The following SERGEF variants were observed in gnomAD, a reference collection of about 807,000 sequenced individuals.
SERGEF encodes the protein secretion regulating guanine nucleotide exchange factor, also known as secretion-regulating guanine nucleotide exchange factor.
Under a neutral mutation model 50.0 loss-of-function variants are expected in SERGEF, and 51 were observed. The observed-to-expected ratio is 1.02, with a 90% CI of 0.81 to 1.29. The LOEUF (loss-of-function observed/expected upper bound fraction) is 1.29. Among genes scored for constraint, SERGEF ranks in the 50% most tolerant of loss-of-function variants. The pLI is 0.00. For synonymous variants in SERGEF, 205 were observed against 212.4 expected (o/e 0.97, Z 0.30); for missense variants, 521 against 557.0 (o/e 0.94, Z 0.65).
intron 9 of SERGEF, among the ~76,000 whole-genome samples, chr11:17,958,693 C>T (rs1210696801): frequency 6.6e-6 from 1 of 152,208 alleles, no homozygotes; most frequent in Non-Finnish European, 1.5e-5. Context: ...TCCAGCCAAA[C>T]TGAACCACCA....
At chr11:18,002,988 T>C (rs910852532) in intron 4 of SERGEF, among the ~76,000 whole-genome samples, 6 of 152,200 alleles carry the variant, frequency 3.9e-5, no homozygotes, top group Non-Finnish European at 8.8e-5. Flanking sequence ...CTAAATTAAT[T>C]ATAACTTATA....
At chr11:17,873,437 T>TA (rs1472628471) in intron 10 of SERGEF, among the ~76,000 whole-genome samples, 2 of 152,186 alleles carry the variant, frequency 1.3e-5, no homozygotes, top group Non-Finnish European at 2.9e-5. Context: ...GGTTTGGAGA[T>TA]ATCACCACTC....
chr11:17,827,369 AAT>A (rs1275964293), intron 10 of SERGEF, among the ~76,000 whole-genome samples: 2 of 152,232 alleles, frequency 1.3e-5, no homozygotes, highest in Non-Finnish European at 2.9e-5. Context: ...GTAAGCTCCA[AAT>A]ACAGAAAGAG....
At chr11:17,892,120 G>T (rs1851542556) in intron 9 of SERGEF, among the ~76,000 whole-genome samples, 1 of 152,182 alleles carries the variant, frequency 6.6e-6, no homozygotes, top group Non-Finnish European at 1.5e-5. Context: ...AAGGAAGCAT[G>T]CCTAGAAGAT....
At chr11:17,998,956 C>T (rs931678578) in intron 5 of SERGEF, among the ~76,000 whole-genome samples, 11 of 152,170 alleles carry the variant, frequency 7.2e-5, no homozygotes, top group African/African-American at 1.2e-4. Flanking sequence ...TATTTTGTTA[C>T]GGCAGCCCTA....
chr11:17,798,069 C>G (rs1268573228), intron 10 of SERGEF, among the ~76,000 whole-genome samples: 1 of 152,174 alleles, frequency 6.6e-6, no homozygotes, highest in Non-Finnish European at 1.5e-5. Context: ...TGGGCAGATA[C>G]ACGCTCCCCA....
intron 10 of SERGEF, among the ~76,000 whole-genome samples, chr11:17,812,846 C>A (rs1226593675): frequency 6.6e-6 from 1 of 152,206 alleles, no homozygotes; most frequent in Non-Finnish European, 1.5e-5. Context: ...ACATGTTAAT[C>A]TGAGTAGCTG....
intron 8 of SERGEF, among the ~76,000 whole-genome samples, chr11:17,980,202 T>G (rs1853467617): frequency 6.6e-6 from 1 of 152,236 alleles, no homozygotes; most frequent in Admixed American, 6.5e-5. Flanking sequence ...GGACCTTTTG[T>G]GACCTCCAAC....
intron 9 of SERGEF, among the ~76,000 whole-genome samples, chr11:17,905,681 G>A (rs1316090871): frequency 6.6e-6 from 1 of 152,176 alleles, no homozygotes; most frequent in Non-Finnish European, 1.5e-5. Flanking sequence ...GAAAGAAGAA[G>A]TGAATGTTTT....
At chr11:17,901,750 A>G (rs1851752361) in intron 9 of SERGEF, among the ~76,000 whole-genome samples, 1 of 152,132 alleles carries the variant, frequency 6.6e-6, no homozygotes. Context: ...CAGCACCATA[A>G]CTACAGTTCT....
intron 9 of SERGEF, among the ~76,000 whole-genome samples, chr11:17,891,532 A>C (rs1343800707): frequency 6.6e-6 from 1 of 152,214 alleles, no homozygotes; most frequent in Non-Finnish European, 1.5e-5. Context: ...AACATGTAGA[A>C]ATTGTCATAT....
At chr11:17,995,715 C>A in intron 6 of SERGEF, 81 bp downstream of exon 6, 2 of 967,460 alleles carry the variant, frequency 2.1e-6, no homozygotes, top group South Asian at 1.5e-5. Context: ...AATCAAAAAT[C>A]CATTTAATCC....
intron 10 of SERGEF, among the ~76,000 whole-genome samples, chr11:17,850,567 G>A (rs969075358): frequency 2.0e-5 from 3 of 152,096 alleles, no homozygotes; most frequent in South Asian, 2.1e-4. Flanking sequence ...ATTTAATTAC[G>A]CTCACTAGAC....
intron 9 of SERGEF, among the ~76,000 whole-genome samples, chr11:17,929,572 C>T (rs1473820929): frequency 6.6e-6 from 1 of 152,190 alleles, no homozygotes; most frequent in Non-Finnish European, 1.5e-5. Flanking sequence ...CATTGCCATT[C>T]ATTCATTGTT....
chr11:17,931,736 C>T (rs1007508966), intron 9 of SERGEF, among the ~76,000 whole-genome samples: 1 of 152,156 alleles, frequency 6.6e-6, no homozygotes, highest in African/African-American at 2.4e-5. Context: ...AATACTGGGG[C>T]TGTGGTTCTC....
At chr11:17,943,114 C>T (rs1416247529) in intron 9 of SERGEF, among the ~76,000 whole-genome samples, 1 of 151,662 alleles carries the variant, frequency 6.6e-6, no homozygotes, top group East Asian at 1.9e-4. Context: ...TTGGAAGTGT[C>T]CCCTCCTTTA....
At chr11:17,921,934 CA>C (rs1004494415) in intron 9 of SERGEF, among the ~76,000 whole-genome samples, 1 of 152,176 alleles carries the variant, frequency 6.6e-6, no homozygotes, top group African/African-American at 2.4e-5. Context: ...GACTCCTCAG[CA>C]CAATGGGAAG....
chr11:17,848,323 C>T (rs929151020), intron 10 of SERGEF, among the ~76,000 whole-genome samples: 1 of 152,002 alleles, frequency 6.6e-6, no homozygotes, highest in Non-Finnish European at 1.5e-5. Context: ...ATATTCATGG[C>T]GAGACAAGGG....
At chr11:17,788,461 G>T in intron 10 of SERGEF, 48 bp from the exon 11 acceptor site, 1 of 1,482,202 alleles carries the variant, frequency 6.7e-7, no homozygotes, top group South Asian at 1.3e-5. Flanking sequence ...TGGATAATAG[G>T]GCTGAAACAT....
Sources: allele counts gnomAD v4.1 joint callset (sites outside exome capture counted in the v4.1 genomes callset), GRCh38; gene constraint gnomAD v4.1.1; transcripts MANE v1.5; gene names NCBI Gene and HGNC (gene_info 2026-07-23, HGNC 2026-07-21).